ZMYM2: variants seen among roughly 807,000 people sequenced by gnomAD.
ZMYM2 encodes zinc finger MYM-type protein 2.
In ZMYM2, 56 loss-of-function variants were observed where a neutral mutation model predicts 162.8. The observed-to-expected ratio is 0.34, with a 90% CI of 0.28 to 0.43. The LOEUF (loss-of-function observed/expected upper bound fraction) is 0.43. Ranked by LOEUF, ZMYM2 falls within the 20% of genes least tolerant of loss-of-function variation. The pLI, the probability that ZMYM2 is intolerant of heterozygous loss-of-function variation, is 1.00. For missense variants in ZMYM2, 1,275 were observed against 1,621.8 expected (o/e 0.79, Z 3.67); for synonymous variants, 510 against 541.6 (o/e 0.94, Z 0.81).
intron 15 of ZMYM2, 61 bp from the exon 16 acceptor site, chr13:20,059,386 T>A (rs1240502147): frequency 1.3e-6 from 2 of 1,562,686 alleles, no homozygotes; most frequent in East Asian, 4.6e-5. Context: ...TATTTTAACA[T>A]TGAGCACCTG....
At chr13:19,920,672 G>A in the ZMYM2 span, among the ~76,000 whole-genome samples, 72 of 152,210 alleles carry the variant, frequency 4.7e-4, no homozygotes, top group African/African-American at 1.5e-3. Flanking sequence ...CCTAGGGAAA[G>A]AGGAAGGGGC....
At chr13:20,024,543 A>G (rs1450225169) in intron 7 of ZMYM2, 1 of 223,354 alleles carries the variant, frequency 4.5e-6, no homozygotes, top group Non-Finnish European at 8.9e-6. Context: ...CAAACTTGCA[A>G]CATAGTGGCA....
At chr13:19,945,951 G>GAAAAAAA in the ZMYM2 span, among the ~76,000 whole-genome samples, 33 of 89,518 alleles carry the variant, frequency 3.7e-4, no homozygotes, top group African/African-American at 4.5e-4. Context: ...CTCCGTCTCA[G>GAAAAAAA]AAAAAAAAAA....
chr13:20,019,953 T>TA (rs10677226), intron 7 of ZMYM2: 1,606 of 157,494 alleles, frequency 0.01, no homozygotes, highest in South Asian at 0.022. Flanking sequence ...CCTGAAAAGT[T>TA]AAAAAAAAAA....
At chr13:19,883,608 T>TA in the ZMYM2 span, among the ~76,000 whole-genome samples, 1 of 152,220 alleles carries the variant, frequency 6.6e-6, no homozygotes, top group African/African-American at 2.4e-5. Flanking sequence ...TAGTTTGGGT[T>TA]AAAACCAGCT....
At position 20,058,916 on chromosome 13, in the gene ZMYM2, T is replaced by C. The variant is rs754751234; in HGVS notation, c.2623+212T>C. ...ATCAATCTCTGATAAAGGCCTAGAA[T>C]ACAAATTATGTCAAAAGTGAAAAAA... On this transcript the variant is annotated intron_variant, in intron 15 of 24. Coordinates refer to ENST00000610343, the MANE Select transcript of ZMYM2 (RefSeq NM_197968.4). The C allele has an allele frequency of 3.2e-5, 23 of 713,536 alleles. No homozygotes were observed. In the South Asian group the frequency reaches 3.2e-4, roughly 10 times the overall value. 44.2% of individuals were successfully genotyped at this position (713,536 alleles called of 1,614,324 possible).
chr13:19,983,099 G>A (rs1273377081), intron 2 of ZMYM2, among the ~76,000 whole-genome samples: 1 of 151,718 alleles, frequency 6.6e-6, no homozygotes, highest in Admixed American at 6.6e-5. Context: ...CCGGGTCTTT[G>A]GGGGTAAAGA....
At chr13:19,997,369 T>C (rs377497664) in intron 3 of ZMYM2, among the ~76,000 whole-genome samples, 1 of 152,338 alleles carries the variant, frequency 6.6e-6, no homozygotes, top group South Asian at 2.1e-4. Flanking sequence ...CTAAATATTA[T>C]GATTACTCCC....
chr13:20,014,835 A>AGCTC (rs1219803283), intron 6 of ZMYM2, among the ~76,000 whole-genome samples: 1 of 127,326 alleles, frequency 7.9e-6, no homozygotes, highest in Non-Finnish European at 1.6e-5. Flanking sequence ...GCATGATCTT[A>AGCTC]GCTCACTGCA....
chr13:20,058,519 G>C, intron 14 of ZMYM2, 56 bp from the exon 15 acceptor site: 1 of 1,570,718 alleles, frequency 6.4e-7, no homozygotes, highest in Admixed American at 1.9e-5. Context: ...ATTGACACTA[G>C]GAAGTATTGA....
chr13:19,905,387 C>T, the ZMYM2 span, among the ~76,000 whole-genome samples: 6 of 152,178 alleles, frequency 3.9e-5, no homozygotes, highest in Non-Finnish European at 5.9e-5. Context: ...CAGGCACAAC[C>T]ATCCAGGTTA....
rs370131189 is a variant in ZMYM2, at chr13:20,031,423, C to T, written c.1956C>T (p.Ile652=). Residue 652 remains isoleucine, a synonymous_variant, in exon 10 of 25, where the codon ATC becomes ATT. Coordinates refer to ENST00000610343, the MANE Select transcript of ZMYM2 (RefSeq NM_197968.4). ...CKNSFCSKPE[I]LEWENKVHQF... ...ATTCCTTTTGTTCAAAACCAGAAAT[C>T]CTGGAATGGGAGGCAAGTTGTATTT... The T allele has an allele frequency of 1.9e-5, 31 of 1,600,890 alleles. No individual in the cohort carries two copies. In the African/African-American group the frequency reaches 4.2e-4, roughly 22 times the overall value.
chr13:19,952,290 C>T, the ZMYM2 span, among the ~76,000 whole-genome samples: 2 of 151,914 alleles, frequency 1.3e-5, no homozygotes, highest in African/African-American at 4.8e-5. Flanking sequence ...GAAGTTTTAG[C>T]TACATAGGAG....
rs376437929 is a variant in ZMYM2, at chr13:20,026,726, A to G, written c.1699A>G (p.Met567Val). 8.1e-6 allele frequency: 13 copies of G among 1,601,078 alleles called. No individual in the cohort carries two copies. The highest frequency in any genetic ancestry group is 5.8e-5 in the South Asian group (5 of 86,912). The change falls in exon 8 of 25, where the codon ATG becomes GTG. Residue 567 changes from methionine (M) to valine (V), a missense_variant. By Grantham distance (21) the Met-to-Val change is conservative. Around this residue, in one of 10 missense-constraint regions of ZMYM2, gnomAD observed 276 missense variants for 311.8 expected, o/e 0.89. Coordinates refer to ENST00000610343, the MANE Select transcript of ZMYM2 (RefSeq NM_197968.4). The stretch of plus-strand genomic sequence containing the variant: ...GGAGCCATATTGTTCAACTGCTTGT[A>G]TGAACAGTCACAAGACAAAATATGC... ...YMEPYCSTACMNSHKTKYAKS... is the reference protein window; with the variant it reads ...YMEPYCSTACVNSHKTKYAKS...
chr13:20,024,711 G>A (rs2140233155), intron 7 of ZMYM2: 2 of 218,022 alleles, frequency 9.2e-6, no homozygotes, highest in East Asian at 1.4e-4. Context: ...AAAAAAAAAA[G>A]CAGAGCATTC....
At chr13:20,084,399 G>A (rs1174577763) in intron 24 of ZMYM2, among the ~76,000 whole-genome samples, 1 of 152,124 alleles carries the variant, frequency 6.6e-6, no homozygotes, top group Admixed American at 6.6e-5. Flanking sequence ...AATATTTTAG[G>A]CTTTTGGGCC....
At chr13:19,916,616 A>G in the ZMYM2 span, among the ~76,000 whole-genome samples, 1 of 152,038 alleles carries the variant, frequency 6.6e-6, no homozygotes, top group Non-Finnish European at 1.5e-5. Context: ...ACAAGGACAG[A>G]AAACAAAACA....
At position 20,059,505 on chromosome 13, in the gene ZMYM2, A is replaced by G. The variant is rs369728785; in HGVS notation, c.2682A>G (p.Pro894=). Reference sequence around the variant, plus strand: ...CTATCCCTGTGCCTGTGTATATCCCAGTTCCTATGCACATGTACAGTCAGA... The same window carrying G: ...CTATCCCTGTGCCTGTGTATATCCCGGTTCCTATGCACATGTACAGTCAGA... ...PVPIPVPVYI[P]VPMHMYSQNI... is the part of the protein sequence containing the mutation. Residue 894 remains proline, a synonymous_variant, in exon 16 of 25, where the codon CCA becomes CCG. Transcript: ENST00000610343. 29 of 1,516,250 alleles carry G rather than the reference A, an allele frequency of 1.9e-5. No individual in the cohort carries two copies. In the African/African-American group the frequency reaches 3.7e-4, roughly 19 times the overall value. 93.9% of individuals were successfully genotyped at this position (1,516,250 alleles called of 1,614,324 possible).
At chr13:20,043,639 C>T (rs369914276) in intron 12 of ZMYM2, among the ~76,000 whole-genome samples, 1 of 151,726 alleles carries the variant, frequency 6.6e-6, no homozygotes, top group South Asian at 2.1e-4. Context: ...GCTGAAAGGG[C>T]CAGGTTGTGG....
Sources: allele counts gnomAD v4.1 joint callset (sites outside exome capture counted in the v4.1 genomes callset), GRCh38; gene constraint gnomAD v4.1.1; regional missense constraint gnomAD v4.1.1; transcripts MANE v1.5; gene names NCBI Gene and HGNC (gene_info 2026-07-23, HGNC 2026-07-21).